The following SUCO variants were observed in gnomAD, a reference collection of about 807,000 sequenced individuals.
The protein encoded by SUCO is SUN domain containing ossification factor.
In SUCO, 57 loss-of-function variants were observed where a neutral mutation model predicts 148.1. The observed-to-expected ratio is 0.38, with a 90% CI of 0.31 to 0.48. The LOEUF (loss-of-function observed/expected upper bound fraction) is 0.48. SUCO is among the 20% of genes least tolerant of loss of function. The pLI is 0.96. For missense variants in SUCO, 1,331 were observed against 1,468.2 expected (o/e 0.91, Z 1.53); for synonymous variants, 470 against 502.7 (o/e 0.93, Z 0.87).
intron 1 of SUCO, among the ~76,000 whole-genome samples, chr1:172,545,352 A>G (rs116626113): frequency 0.062 from 9,433 of 152,270 alleles, 381 homozygotes; most frequent in Middle Eastern, 0.19. Flanking sequence ...GCTGTCAACT[A>G]AAAACCATGA....
intron 22 of SUCO, among the ~76,000 whole-genome samples, chr1:172,606,283 T>TA (rs1657859923): frequency 7.5e-5 from 7 of 93,400 alleles, no homozygotes; most frequent in South Asian, 4.2e-4. Flanking sequence ...CTTTTAATTT[T>TA]TTTTTTTTTT....
chr1:172,570,512 CT>C, intron 8 of SUCO, 150 bp from the exon 9 acceptor site: 1 of 614,060 alleles, frequency 1.6e-6, no homozygotes, highest in Non-Finnish European at 2.9e-6. Context: ...ATCTTAGCCA[CT>C]TTTATGCTTT....
chr1:172,577,050 A>G (rs1655498550), intron 11 of SUCO: 3 of 757,376 alleles, frequency 4.0e-6, no homozygotes, highest in Admixed American at 6.3e-5. Context: ...AATAAGTTGT[A>G]TATAATATAC....
rs1657402076 is a variant in SUCO, at chr1:172,600,115, A to G, written c.2965A>G (p.Met989Val). The change falls in exon 20 of 24, where the codon ATG (methionine) becomes GTG (valine). Residue 989 changes from methionine to valine, a missense_variant. By Grantham distance (21) the Met-to-Val change is conservative. This residue lies in a region of SUCO where 334 missense variants were observed against 352.3 expected (regional missense o/e 0.95). Transcript: ENST00000263688. ...GTTGCTACAGGCACAGCTGACCAAC[A>G]TGACACAGCTTGTTTCAAATTTATC... is the stretch of plus-strand genomic sequence containing the variant. ...IQLLQAQLTN[M>V]TQLVSNLSAT... 3 of 1,611,442 alleles carry G rather than the reference A, an allele frequency of 1.9e-6. No individual in the cohort carries two copies. The highest frequency in any genetic ancestry group is 1.3e-5 in the African/African-American group (1 of 74,816).
At chr1:172,571,489 G>A (rs921018335) in intron 9 of SUCO, among the ~76,000 whole-genome samples, 4 of 151,636 alleles carry the variant, frequency 2.6e-5, no homozygotes, top group African/African-American at 9.7e-5. Context: ...ACCCCGTCTG[G>A]GAAGTGAGGA....
At chr1:172,593,599 C>T (rs1028149752) in intron 19 of SUCO, among the ~76,000 whole-genome samples, 2 of 152,130 alleles carry the variant, frequency 1.3e-5, no homozygotes, top group Non-Finnish European at 1.5e-5. Flanking sequence ...ATGTGTTGAA[C>T]CAGCCGTGCA....
Position 172,589,520 on chromosome 1 carries a change from A to G in SUCO, c.2419A>G (p.Ile807Val), listed in dbSNP as rs944518892. 4 of 1,613,150 alleles carry G rather than the reference A, an allele frequency of 2.5e-6. No homozygotes were observed. Among genetic ancestry groups the G allele is most frequent in the South Asian group, 1.1e-5 (1 of 91,000 alleles). ...AGTTAATGAGTTAATGGATAATATT[A>G]TAAAAGAAGATGTGAACTCCATGCA... ...NKVNELMDNI[I>V]KEDVNSMQIF... Residue 807 changes from isoleucine to valine, a missense_variant, in exon 18 of 24, where the codon ATA becomes GTA. Transcript: ENST00000263688.
chr1:172,558,035 A>G (rs1481553853), intron 6 of SUCO, among the ~76,000 whole-genome samples: 1 of 152,194 alleles, frequency 6.6e-6, no homozygotes, highest in Non-Finnish European at 1.5e-5. Context: ...TTATTAAATG[A>G]TTTTGTGCCA....
chr1:172,555,710 G>A (rs983362146), intron 3 of SUCO, 159 bp from the exon 4 acceptor site: 1 of 254,608 alleles, frequency 3.9e-6, no homozygotes, highest in Non-Finnish European at 6.2e-6. Flanking sequence ...TCCTTAGGGC[G>A]GTAATATTGG....
Position 172,533,273 on chromosome 1 carries a change from G to A in SUCO, c.-163G>A. On this transcript the variant is annotated 5_prime_UTR_variant, in exon 1 of 24. Coordinates refer to ENST00000263688, the MANE Select transcript of SUCO (RefSeq NM_014283.5). ...CTCTGTGGGGCCCTCAGAGAGGGCT[G>A]CCAGGACGCGAGCCACTGAGGAGCC... is the stretch of plus-strand genomic sequence containing the variant. 1.3e-6 allele frequency: 2 copies of A among 1,549,494 alleles called. No individual in the cohort carries two copies. Among genetic ancestry groups the A allele is most frequent in the Non-Finnish European group, 1.7e-6 (2 of 1,146,918 alleles).
intron 3 of SUCO, among the ~76,000 whole-genome samples, chr1:172,555,022 T>A (rs1203958461): frequency 6.6e-6 from 1 of 152,158 alleles, no homozygotes; most frequent in African/African-American, 2.4e-5. Flanking sequence ...TTCATCATAG[T>A]CCTTAGTTTC....
Position 172,557,765 on chromosome 1 carries a change from T to C in SUCO, c.703T>C (p.Leu235=), listed in dbSNP as rs1653858111. Residue 235 remains leucine, a synonymous_variant, in exon 6 of 24, where the codon TTG becomes CTG. Coordinates refer to ENST00000263688, the MANE Select transcript of SUCO (RefSeq NM_014283.5). ...EQGGGDPKSA[L]NASDNLKNES... ...GGGCGGTGGTGATCCAAAATCTGCA[T>C]TGAATGCTTCAGATAATTTAAAAAA... The C allele has an allele frequency of 1.9e-6, 3 of 1,603,436 alleles. No homozygotes were observed. The South Asian group carries it at 3.4e-5, about 18-fold the overall frequency.
chr1:172,543,119 C>A, intron 1 of SUCO: 2 of 544,814 alleles, frequency 3.7e-6, no homozygotes, highest in Non-Finnish European at 4.7e-6. Flanking sequence ...CTGGATTTGT[C>A]TTACATGCAG....
At chr1:172,552,354 C>T (rs1224210515) in intron 2 of SUCO, among the ~76,000 whole-genome samples, 1 of 151,930 alleles carries the variant, frequency 6.6e-6, no homozygotes, top group Admixed American at 6.6e-5. Flanking sequence ...AAATTGCCAT[C>T]CCCCTTCCCC....
At chr1:172,578,895 CAA>C (rs1435051930) in intron 14 of SUCO, among the ~76,000 whole-genome samples, 2 of 151,940 alleles carry the variant, frequency 1.3e-5, no homozygotes, top group African/African-American at 2.4e-5. Flanking sequence ...TAAATTTTCT[CAA>C]GAGTGAAATG....
chr1:172,567,728 A>G (rs372412863), intron 6 of SUCO, among the ~76,000 whole-genome samples: 13 of 152,320 alleles, frequency 8.5e-5, no homozygotes, highest in African/African-American at 3.1e-4. Flanking sequence ...ACTTAGATTT[A>G]TACATGGGGT....
intron 1 of SUCO, among the ~76,000 whole-genome samples, chr1:172,539,782 C>A (rs1008442718): frequency 6.6e-6 from 1 of 152,042 alleles, no homozygotes; most frequent in Admixed American, 6.6e-5. Flanking sequence ...ATAAGATGGC[C>A]TAGGTTTCAG....
intron 20 of SUCO, 144 bp downstream of exon 20, chr1:172,600,312 T>C (rs1408473754): frequency 3.1e-6 from 2 of 635,306 alleles, no homozygotes; most frequent in South Asian, 2.0e-5. Flanking sequence ...AACCAGAATA[T>C]GGCATTTTTA....
rs1323181002 is a variant in SUCO, at chr1:172,533,208, C to T, written c.-228C>T. On this transcript the variant is annotated 5_prime_UTR_variant, in exon 1 of 24. Transcript: ENST00000263688. ...GTGGACGAGCCGGTGGCTGCAGCGG[C>T]GGCGGTCCCCGGAGTCCTGTGAAGC... 6.6e-7 allele frequency: 1 copy of T among 1,517,234 alleles called. No homozygotes were observed. Among genetic ancestry groups the T allele is most frequent in the Non-Finnish European group, 8.8e-7 (1 of 1,132,496 alleles). 94.0% of individuals were successfully genotyped at this position (1,517,234 alleles called of 1,614,324 possible). A position where few individuals can be genotyped will look rare whatever the true frequency, so the allele number is the denominator to read the frequency against.
Sources: gnomAD v4.1 joint callset for allele counts (sites outside exome capture counted in the v4.1 genomes callset) on GRCh38, gnomAD v4.1.1 for gene constraint, gnomAD v4.1.1 regional missense constraint, MANE v1.5 for transcripts, NCBI Gene and HGNC (gene_info 2026-07-23, HGNC 2026-07-21) for gene names.